The following RBFOX1 variants were observed in gnomAD, a reference collection of about 807,000 sequenced individuals.
RBFOX1 encodes RNA binding fox-1 homolog 1.
Under a neutral mutation model 57.7 loss-of-function variants are expected in RBFOX1, and 8 were observed. The observed-to-expected ratio is 0.14, with a 90% CI of 0.08 to 0.25. RBFOX1 has a LOEUF of 0.25. Ranked by LOEUF, RBFOX1 falls within the 10% of genes least tolerant of loss-of-function variation. The pLI is 1.00. For synonymous variants in RBFOX1, 326 were observed against 222.4 expected (o/e 1.47, Z -4.15); for missense variants, 611 against 548.5 (o/e 1.11, Z -1.14).
chr16:5,398,936 G>A (rs185719082), intron 1 of RBFOX1, among the ~76,000 whole-genome samples: 3 of 152,342 alleles, frequency 2.0e-5, no homozygotes, highest in Admixed American at 1.3e-4. Context: ...AAAGGTGGCT[G>A]CGATTGGTGT....
intron 8 of RBFOX1, chr16:7,597,095 G>A (rs1461492166): frequency 1.5e-5 from 4 of 265,534 alleles, no homozygotes; most frequent in African/African-American, 8.9e-5. Context: ...CAATTATGCA[G>A]AATCTTTTAA....
chr16:6,239,552 G>A (rs1255806864), intron 1 of RBFOX1, among the ~76,000 whole-genome samples: 1 of 127,308 alleles, frequency 7.9e-6, no homozygotes, highest in Non-Finnish European at 1.6e-5. Flanking sequence ...AGGCTGGAGT[G>A]CAGTGGCACA....
At chr16:6,272,838 G>C (rs1423287026) in intron 1 of RBFOX1, among the ~76,000 whole-genome samples, 2 of 152,124 alleles carry the variant, frequency 1.3e-5, no homozygotes, top group Non-Finnish European at 2.9e-5. Flanking sequence ...ATAGAGGAAA[G>C]ATAACCTTTC....
intron 4 of RBFOX1, among the ~76,000 whole-genome samples, chr16:5,902,762 A>G (rs970651459): frequency 1.3e-5 from 2 of 151,950 alleles, no homozygotes; most frequent in African/African-American, 4.8e-5. Context: ...CTCTTATTCT[A>G]TCCACCCTCC....
chr16:7,222,485 A>T (rs1317888285), intron 4 of RBFOX1, among the ~76,000 whole-genome samples: 1 of 152,196 alleles, frequency 6.6e-6, no homozygotes, highest in Non-Finnish European at 1.5e-5. Context: ...TTGGCAATGC[A>T]AGGAAGTGAC....
intron 4 of RBFOX1, among the ~76,000 whole-genome samples, chr16:7,222,812 G>A (rs961372600): frequency 6.6e-6 from 1 of 152,194 alleles, no homozygotes; most frequent in Admixed American, 6.5e-5. Flanking sequence ...ACTCTTCTGG[G>A]TACTCATCAT....
intron 3 of RBFOX1, among the ~76,000 whole-genome samples, chr16:6,806,098 A>T (rs1022425388): frequency 5.3e-5 from 8 of 152,204 alleles, no homozygotes; most frequent in Admixed American, 3.9e-4. Flanking sequence ...AAGATGATTC[A>T]TCCAAGAACC....
intron 14 of RBFOX1, among the ~76,000 whole-genome samples, chr16:7,693,987 A>G (rs1250010035): frequency 6.6e-6 from 1 of 152,216 alleles, no homozygotes; most frequent in Admixed American, 6.5e-5. Context: ...TGGAAATTGC[A>G]TAGCTGCATG....
intron 2 of RBFOX1, among the ~76,000 whole-genome samples, chr16:6,501,832 TTC>T (rs1555507743): frequency 1.8e-5 from 1 of 54,136 alleles, no homozygotes. Flanking sequence ...GGGGAAATTC[TTC>T]TTGGTTTTCA....
At chr16:5,604,488 T>G (rs1204233813), downstream of RBFOX1, among the ~76,000 whole-genome samples, 2 of 152,176 alleles carry the variant, frequency 1.3e-5, no homozygotes, top group African/African-American at 4.8e-5. Flanking sequence ...CATGGCCCTC[T>G]CCACAGGCAG....
intron 4 of RBFOX1, among the ~76,000 whole-genome samples, chr16:5,977,943 C>G (rs2060098257): frequency 6.6e-6 from 1 of 151,626 alleles, no homozygotes; most frequent in Admixed American, 6.6e-5. Flanking sequence ...CCATGATATC[C>G]AGACATTGCC....
At chr16:7,304,260 C>G (rs902277664) in intron 4 of RBFOX1, 4 of 982,968 alleles carry the variant, frequency 4.1e-6, no homozygotes, top group African/African-American at 1.8e-5. Context: ...GCGCGAGCCA[C>G]CGGTCATTGA....
chr16:7,298,499 C>G (rs1386242935), intron 4 of RBFOX1, among the ~76,000 whole-genome samples: 1 of 151,916 alleles, frequency 6.6e-6, no homozygotes, highest in African/African-American at 2.4e-5. Context: ...ACCATCTTGG[C>G]CAGTCTCATC....
chr16:6,686,239 A>G (rs1357522859), intron 3 of RBFOX1, among the ~76,000 whole-genome samples: 1 of 152,126 alleles, frequency 6.6e-6, no homozygotes, highest in East Asian at 1.9e-4. Flanking sequence ...GAGGTCTCAA[A>G]TTAGATGAGA....
intron 2 of RBFOX1, among the ~76,000 whole-genome samples, chr16:5,548,310 C>A (rs920622929): frequency 6.7e-6 from 1 of 150,048 alleles, no homozygotes; most frequent in Non-Finnish European, 1.5e-5. Flanking sequence ...ATCATTTGTA[C>A]TGCAAACTTC....
At chr16:6,739,295 C>CTA (rs1468512301) in intron 3 of RBFOX1, among the ~76,000 whole-genome samples, 1 of 151,418 alleles carries the variant, frequency 6.6e-6, no homozygotes, top group African/African-American at 2.4e-5. Context: ...GAGAATATTA[C>CTA]TATAGACCCT....
chr16:6,602,466 C>G (rs146669817), intron 2 of RBFOX1, among the ~76,000 whole-genome samples: 260 of 152,178 alleles, frequency 1.7e-3, no homozygotes, highest in Middle Eastern at 0.014. Context: ...CTCATGACTC[C>G]AGCTGGAAGG....
At chr16:5,944,229 C>A (rs139576804) in intron 4 of RBFOX1, among the ~76,000 whole-genome samples, 9 of 152,316 alleles carry the variant, frequency 5.9e-5, no homozygotes, top group African/African-American at 1.4e-4. Flanking sequence ...GAACGAGATA[C>A]ATGGGCTACA....
chr16:6,235,549 CGTGTATGTATGTGTGT>C (rs1567739989), intron 1 of RBFOX1, among the ~76,000 whole-genome samples: 1 of 103,048 alleles, frequency 9.7e-6, no homozygotes, highest in African/African-American at 3.6e-5. Flanking sequence ...TGTGTGTGTG[CGTGTATGTATGTGTGT>C]GTGTGTGTGT....
Sources: gnomAD v4.1 joint callset for allele counts (sites outside exome capture counted in the v4.1 genomes callset) on GRCh38, gnomAD v4.1.1 for gene constraint, MANE v1.5 for transcripts, NCBI Gene and HGNC (gene_info 2026-07-23, HGNC 2026-07-21) for gene names.